The following DNAH7 variants were observed in gnomAD, a reference collection of about 807,000 sequenced individuals.
The protein encoded by DNAH7 is dynein axonemal heavy chain 7, also known as axonemal beta dynein heavy chain 7.
A neutral mutation model predicts 444.6 loss-of-function variants in DNAH7; 397 were observed. That is an observed-to-expected ratio of 0.89 (90% CI 0.82 to 0.97). DNAH7 has a LOEUF of 0.97. DNAH7 is among the 50% of genes least tolerant of loss of function. The pLI is 0.00. For missense variants in DNAH7, 4,902 were observed against 4,800.8 expected, an observed-to-expected ratio of 1.02 and a Z score of -0.62; for synonymous variants, 1,636 against 1,624.4, an observed-to-expected ratio of 1.01 and a Z score of -0.17.
intron 11 of DNAH7, among the ~76,000 whole-genome samples, chr2:196,001,372 C>CTT (rs5837487): frequency 2.0e-5 from 3 of 149,020 alleles, no homozygotes; most frequent in African/African-American, 7.4e-5. Context: ...GACATTAACT[C>CTT]TTTTTTTTTT....
intron 47 of DNAH7, among the ~76,000 whole-genome samples, chr2:195,835,408 G>GA (rs1698314500): frequency 7.1e-6 from 1 of 141,558 alleles, no homozygotes; most frequent in Admixed American, 7.0e-5. Context: ...AAATTGAAAA[G>GA]AAAAAAAGGT....
chr2:196,028,026 G>A lies in DNAH7; in HGVS notation c.420C>T (p.Asp140=). The A allele has an allele frequency of 6.2e-7, 1 of 1,608,578 alleles. No individual in the cohort carries two copies. ...NVIMQQDADL[D]SAVPDGSTIP... ...TTGTGCTTCCATCAGGGACAGCTGA[G>A]TCTAAGTCAGCATCTTGTTGCCTAA... The change falls in exon 6 of 65, where the codon GAC becomes GAT. Residue 140 remains aspartate, a synonymous_variant. Transcript: ENST00000312428.
At chr2:195,841,756 T>C (rs1698700541) in intron 47 of DNAH7, among the ~76,000 whole-genome samples, 1 of 152,002 alleles carries the variant, frequency 6.6e-6, no homozygotes, top group Non-Finnish European at 1.5e-5. Context: ...TTCTTGAATC[T>C]ACAAAGGCTT....
At chr2:195,958,631 TA>T (rs1342986041) in intron 18 of DNAH7, among the ~76,000 whole-genome samples, 1 of 152,212 alleles carries the variant, frequency 6.6e-6, no homozygotes, top group Non-Finnish European at 1.5e-5. Flanking sequence ...GTGGAATATT[TA>T]AATTTACAAT....
intron 54 of DNAH7, among the ~76,000 whole-genome samples, chr2:195,803,649 G>T (rs1696576972): frequency 6.6e-6 from 1 of 152,198 alleles, no homozygotes; most frequent in Non-Finnish European, 1.5e-5. Flanking sequence ...CCACAGGCAG[G>T]GAAGAAGTCT....
intron 18 of DNAH7, among the ~76,000 whole-genome samples, chr2:195,958,288 C>T (rs545331324): frequency 2.6e-5 from 4 of 152,226 alleles, no homozygotes; most frequent in African/African-American, 9.6e-5. Context: ...CATGATGATC[C>T]ACTGGCACTT....
intron 24 of DNAH7, among the ~76,000 whole-genome samples, chr2:195,911,127 C>G (rs944480439): frequency 1.3e-5 from 2 of 152,152 alleles, no homozygotes; most frequent in Non-Finnish European, 2.9e-5. Context: ...TAGGAGTCAG[C>G]CTTGCTGTGG....
At chr2:195,845,221 G>A (rs1238551732) in intron 46 of DNAH7, 56 bp from the exon 47 acceptor site, 7 of 1,450,376 alleles carry the variant, frequency 4.8e-6, no homozygotes, top group Non-Finnish European at 6.6e-6. Flanking sequence ...TCAAAAGCAT[G>A]CTTTATAATT....
chr2:195,901,245 C>T (rs1393063776), intron 27 of DNAH7: 1 of 151,882 alleles, frequency 6.6e-6, no homozygotes, highest in Non-Finnish European at 1.5e-5. Context: ...ATATGTATAT[C>T]AAAACATCAC....
rs1559310703 is a variant in DNAH7 at position 195,990,970 on chromosome 2, C to CATATATATACTTAAATATATATACAT, written c.1354-2742_1354-2741insATGTATATATATTTAAGTATATATAT. On this transcript the variant is annotated intron_variant, in intron 12 of 64. Transcript: ENST00000312428. ...ACATATATATACTTAAATATATATA[C>CATATATATACTTAAATATATATACAT]ATATATATATATATATGCTTAAGTG... is the stretch of plus-strand genomic sequence containing the variant. Among the ~76,000 whole-genome samples the CATATATATACTTAAATATATATACAT allele has an allele frequency of 1.9e-4, 25 of 133,490 alleles. No individual in the cohort carries two copies. In the East Asian group the frequency reaches 3.0e-3, roughly 16 times the overall value. 87.6% of individuals were successfully genotyped at this position (133,490 alleles called of 152,430 possible).
rs769805965 is a variant in DNAH7 at position 195,972,362 on chromosome 2, A to C, written c.1938T>G (p.Ser646=). 2 of 1,614,112 alleles carry C rather than the reference A, an allele frequency of 1.2e-6. No homozygotes were observed. The highest frequency in any genetic ancestry group is 1.7e-6 in the Non-Finnish European group (2 of 1,180,006). ...TATTATTTAGCCTCATGTCTGCTGG[A>C]GAAAAGTTGACATACTCGATGAGGA... The part of the protein sequence containing the change: ...LAFLIEYVNF[S]PADMRLNNSV... The change falls in exon 16 of 65, where the codon TCT becomes TCG. Residue 646 remains serine, a synonymous_variant. Coordinates refer to ENST00000312428, the MANE Select transcript of DNAH7 (RefSeq NM_018897.3).
Position 195,857,428 on chromosome 2 carries a change from G to A in DNAH7, c.8363C>T (p.Thr2788Ile). The A allele has an allele frequency of 6.2e-7, 1 of 1,612,082 alleles. No homozygotes were observed. Among genetic ancestry groups the A allele is most frequent in the South Asian group, 1.1e-5 (1 of 90,598 alleles). ...CCATTTGCACAGACCTTCGGCCGCT[G>A]TAGAAGCATTTCTGATTTTTTCTGG... ...FVPEKIRNAS[T>I]AAEGLCKWVI... The change falls in exon 44 of 65, where the codon ACA (threonine) becomes ATA (isoleucine). Residue 2788 changes from threonine to isoleucine, a missense_variant. Thr to Ile is a moderately conservative substitution (Grantham distance 89). Transcript: ENST00000312428.
At chr2:195,880,994 G>GTTT (rs199868134) in intron 36 of DNAH7, among the ~76,000 whole-genome samples, 1 of 136,826 alleles carries the variant, frequency 7.3e-6, no homozygotes, top group African/African-American at 2.7e-5. Flanking sequence ...TACACTTTTA[G>GTTT]TTTTTTTTTT....
intron 46 of DNAH7, among the ~76,000 whole-genome samples, chr2:195,851,826 G>C (rs769336561): frequency 5.3e-5 from 8 of 152,180 alleles, no homozygotes; most frequent in Admixed American, 2.0e-4. Flanking sequence ...GAAAGGTAAG[G>C]GTGGCTGAAG....
At chr2:195,834,395 C>T (rs1698228601) in intron 47 of DNAH7, 35 bp from the exon 48 acceptor site, 1 of 1,565,908 alleles carries the variant, frequency 6.4e-7, no homozygotes, top group Non-Finnish European at 8.7e-7. Flanking sequence ...CTGGTCAAGC[C>T]ATGATTTGTT....
At chr2:196,065,089 G>A (rs1575134086) in intron 1 of DNAH7, among the ~76,000 whole-genome samples, 1 of 151,996 alleles carries the variant, frequency 6.6e-6, no homozygotes, top group East Asian at 1.9e-4. Context: ...CTTGATATCT[G>A]TAGGGCAATT....
At chr2:195,741,900 G>A (rs972710879) in intron 63 of DNAH7, among the ~76,000 whole-genome samples, 23 of 152,124 alleles carry the variant, frequency 1.5e-4, no homozygotes, top group African/African-American at 5.6e-4. Context: ...TGGCTGGTGT[G>A]ACCAAATAAC....
intron 7 of DNAH7, 28 bp from the exon 8 acceptor site, chr2:196,024,532 A>G: frequency 2.2e-6 from 3 of 1,384,814 alleles, no homozygotes; most frequent in Non-Finnish European, 3.0e-6. Flanking sequence ...AATTCTGATA[A>G]ATAACCTTAT....
At chr2:195,842,995 G>A (rs1034211765) in intron 47 of DNAH7, among the ~76,000 whole-genome samples, 2 of 152,236 alleles carry the variant, frequency 1.3e-5, no homozygotes, top group Admixed American at 6.5e-5. Context: ...GACCAGCTAC[G>A]TTCACAAGAG....
Sources: allele counts gnomAD v4.1 joint callset (sites outside exome capture counted in the v4.1 genomes callset), GRCh38; gene constraint gnomAD v4.1.1; transcripts MANE v1.5; gene names NCBI Gene and HGNC (gene_info 2026-07-23, HGNC 2026-07-21).